STPG2: variants seen among roughly 807,000 people sequenced by gnomAD.
STPG2 encodes the protein sperm-tail PG-rich repeat-containing protein 2.
A neutral mutation model predicts 54.2 loss-of-function variants in STPG2; 56 were observed. That is an observed-to-expected ratio of 1.03 (90% CI 0.83 to 1.29). The LOEUF is 1.29. STPG2 is among the 50% of genes most tolerant of loss of function. The probability of loss-of-function intolerance (pLI) is 0.00; values close to 1 mark genes in which losing one functional copy is unlikely to be tolerated. For missense variants in STPG2, 596 were observed against 544.9 expected (o/e 1.09, Z -0.93); for synonymous variants, 200 against 181.8 (o/e 1.10, Z -0.81).
intron 6 of STPG2, among the ~76,000 whole-genome samples, chr4:97,978,460 G>A (rs1023825466): frequency 1.3e-5 from 2 of 152,104 alleles, no homozygotes; most frequent in African/African-American, 2.4e-5. Flanking sequence ...GCAAAATAAT[G>A]AGAACAAATG....
chr4:98,107,534 C>T (rs13106934), intron 4 of STPG2, among the ~76,000 whole-genome samples: 38,928 of 147,044 alleles, frequency 0.26, 5,465 homozygotes, highest in Middle Eastern at 0.34. Flanking sequence ...AGCAACAGCA[C>T]AACAAATGGG....
At chr4:98,080,873 G>T (rs1312371673) in intron 5 of STPG2, among the ~76,000 whole-genome samples, 1 of 152,014 alleles carries the variant, frequency 6.6e-6, no homozygotes, top group Non-Finnish European at 1.5e-5. Flanking sequence ...ACCAATTATT[G>T]ATTTTCCTAG....
chr4:98,142,340 G>A (rs1458505393), intron 1 of STPG2, among the ~76,000 whole-genome samples: 1 of 152,132 alleles, frequency 6.6e-6, no homozygotes, highest in Admixed American at 6.6e-5. Flanking sequence ...CATTTGGACG[G>A]TATTAAGCTC....
intron 6 of STPG2, among the ~76,000 whole-genome samples, chr4:97,979,446 C>A (rs904972230): frequency 6.6e-6 from 1 of 152,146 alleles, no homozygotes; most frequent in African/African-American, 2.4e-5. Context: ...ACAGGAGTGT[C>A]TGATCTGATT....
chr4:97,647,689 T>A (rs375347859), intron 10 of STPG2, among the ~76,000 whole-genome samples: 6 of 152,244 alleles, frequency 3.9e-5, no homozygotes, highest in African/African-American at 1.2e-4. Flanking sequence ...CAGTGGTGGG[T>A]GGCCACAACC....
intron 9 of STPG2, among the ~76,000 whole-genome samples, chr4:97,737,222 A>T (rs1290932556): frequency 1.3e-5 from 2 of 152,192 alleles, no homozygotes; most frequent in Non-Finnish European, 2.9e-5. Context: ...TGTCACCATC[A>T]TCAAAGACCA....
chr4:97,547,899 C>T (rs1034079947), intron 4 of STPG2, among the ~76,000 whole-genome samples: 14 of 152,044 alleles, frequency 9.2e-5, no homozygotes, highest in African/African-American at 3.1e-4. Context: ...GCCTGTAATC[C>T]CAGCACTTCG....
intron 10 of STPG2, among the ~76,000 whole-genome samples, chr4:97,627,901 T>C (rs1309052559): frequency 6.6e-6 from 1 of 152,140 alleles, no homozygotes; most frequent in Non-Finnish European, 1.5e-5. Flanking sequence ...ATGAGAAGAC[T>C]GATGTCTGAG....
At chr4:97,952,912 TGTCA>T (rs1733528263) in intron 7 of STPG2, among the ~76,000 whole-genome samples, 1 of 152,154 alleles carries the variant, frequency 6.6e-6, no homozygotes, top group Non-Finnish European at 1.5e-5. Context: ...TAATGCATTG[TGTCA>T]GTCAGCCTCC....
In STPG2 at chr4:97,998,031, C is replaced by T. The variant is rs534394710; in HGVS notation, c.613-16713G>A. Among the ~76,000 whole-genome samples the T allele has an allele frequency of 2.6e-4, 40 of 152,180 alleles. No homozygotes were observed. The South Asian group carries it at 7.5e-3, about 28-fold the overall frequency. ...CAGTAAAAAGGCTATTTCAAAAATGCGGTCAAGAGACAATATCTTCTTTGA... is the reference window on the plus strand; with the variant it reads ...CAGTAAAAAGGCTATTTCAAAAATGTGGTCAAGAGACAATATCTTCTTTGA... On this transcript the variant is annotated intron_variant, in intron 5 of 10. Coordinates refer to ENST00000295268, the MANE Select transcript of STPG2 (RefSeq NM_174952.3).
intron 10 of STPG2, among the ~76,000 whole-genome samples, chr4:97,567,469 CT>C (rs1732483925): frequency 2.7e-5 from 4 of 149,992 alleles, no homozygotes; most frequent in Admixed American, 6.7e-5. Flanking sequence ...TATTCCCTTT[CT>C]CCCCTCTCCC....
At position 97,830,370 on chromosome 4, in the gene STPG2, G is replaced by A. The variant is rs190520259; in HGVS notation, c.1204+10403C>T. The stretch of plus-strand genomic sequence containing the variant: ...AGCCTGCCTTATAAGAGCTCCTGAA[G>A]GAAACACTAAACATGGAAAGGAACA... On this transcript the variant is annotated intron_variant, in intron 9 of 10. Transcript: ENST00000295268. Among the ~76,000 whole-genome samples, 53 of 152,150 alleles carry A rather than the reference G, an allele frequency of 3.5e-4. 1 individual carries two copies. The East Asian group carries it at 9.1e-3, about 26-fold the overall frequency.
chr4:97,512,295 T>G (rs1730989750), intron 4 of STPG2, among the ~76,000 whole-genome samples: 1 of 152,114 alleles, frequency 6.6e-6, no homozygotes, highest in Non-Finnish European at 1.5e-5. Context: ...CAGGACTACA[T>G]GATTGGCATC....
intron 8 of STPG2, among the ~76,000 whole-genome samples, chr4:97,853,277 T>C (rs1255959457): frequency 2.0e-5 from 3 of 152,146 alleles, no homozygotes; most frequent in African/African-American, 2.4e-5. Context: ...AATAAATATA[T>C]TTTCTAATGA....
chr4:98,089,500 C>A (rs1738620036), intron 5 of STPG2, among the ~76,000 whole-genome samples: 1 of 151,768 alleles, frequency 6.6e-6, no homozygotes, highest in South Asian at 2.1e-4. Context: ...GCGAACTGTG[C>A]TACTAAAAAC....
intron 8 of STPG2, among the ~76,000 whole-genome samples, chr4:97,903,911 C>T (rs1387928360): frequency 6.6e-6 from 1 of 152,218 alleles, no homozygotes; most frequent in Non-Finnish European, 1.5e-5. Flanking sequence ...AAATGGCGCA[C>T]CACGAGATTA....
At chr4:97,719,583 G>A (rs1402674056) in intron 9 of STPG2, among the ~76,000 whole-genome samples, 1 of 151,778 alleles carries the variant, frequency 6.6e-6, no homozygotes, top group Non-Finnish European at 1.5e-5. Flanking sequence ...AAATAATCTT[G>A]GTAACCAGTG....
chr4:97,664,795 C>G (rs1722472166), intron 10 of STPG2, among the ~76,000 whole-genome samples: 1 of 152,106 alleles, frequency 6.6e-6, no homozygotes, highest in East Asian at 1.9e-4. Flanking sequence ...GCACCTTTGC[C>G]CAAGTTTTGC....
intron 5 of STPG2, among the ~76,000 whole-genome samples, chr4:98,031,255 G>T (rs1054002780): frequency 2.0e-5 from 3 of 152,100 alleles, no homozygotes; most frequent in Non-Finnish European, 4.4e-5. Flanking sequence ...ATCAACTCAA[G>T]ATTGATTAAG....
Sources: gnomAD v4.1 joint callset for allele counts (sites outside exome capture counted in the v4.1 genomes callset) on GRCh38, gnomAD v4.1.1 for gene constraint, MANE v1.5 for transcripts, NCBI Gene and HGNC (gene_info 2026-07-23, HGNC 2026-07-21) for gene names.